Variants in LRBA observed in about 807,000 individuals in gnomAD.
LRBA encodes the protein LPS responsive beige-like anchor protein, also known as lipopolysaccharide-responsive and beige-like anchor protein.
LRBA carries 176 observed loss-of-function variants against 330.0 expected under a neutral mutation model. The ratio of observed to expected loss-of-function variants is 0.53; its 90% CI spans 0.47 to 0.60. The LOEUF (loss-of-function observed/expected upper bound fraction) is 0.60, where lower values mean the gene tolerates loss of function less well. LRBA is among the 20% of genes least tolerant of loss of function. LRBA has a pLI of 0.00. For missense variants in LRBA, 3,259 were observed against 3,444.8 expected, an observed-to-expected ratio of 0.95 and a Z score of 1.35; for synonymous variants, 1,230 against 1,193.0, an observed-to-expected ratio of 1.03 and a Z score of -0.64.
chr4:150,963,307 T>G (rs1738385153), intron 2 of LRBA, among the ~76,000 whole-genome samples: 2 of 149,326 alleles, frequency 1.3e-5, no homozygotes, highest in South Asian at 4.1e-4. Context: ...TGCCTCAGCC[T>G]GCCGAGTGCC....
At chr4:150,471,299 T>C (rs960235571) in intron 43 of LRBA, among the ~76,000 whole-genome samples, 2 of 152,092 alleles carry the variant, frequency 1.3e-5, no homozygotes, top group Admixed American at 6.6e-5. Context: ...TATACAACCA[T>C]TGAAACCTTA....
intron 36 of LRBA, among the ~76,000 whole-genome samples, chr4:150,696,916 T>G (rs1049826915): frequency 6.9e-6 from 1 of 145,854 alleles, no homozygotes; most frequent in African/African-American, 2.6e-5. Flanking sequence ...TGGGAAGCTG[T>G]GGTGGGAGGA....
At chr4:150,547,735 T>G (rs1554052457) in intron 40 of LRBA, among the ~76,000 whole-genome samples, 1 of 152,140 alleles carries the variant, frequency 6.6e-6, no homozygotes, top group Non-Finnish European at 1.5e-5. Flanking sequence ...AGAAAGGTAT[T>G]GTGAAACAAA....
chr4:150,505,404 C>A (rs1760918008), intron 40 of LRBA, among the ~76,000 whole-genome samples: 2 of 152,136 alleles, frequency 1.3e-5, no homozygotes. Context: ...TGCAATCAAA[C>A]TAGAACTCAG....
At position 150,870,544 on chromosome 4, in the gene LRBA, T is replaced by C; in HGVS notation, c.2430A>G (p.Ser810=). The change falls in exon 20 of 57, where the codon TCA becomes TCG. Residue 810 remains serine (S), a synonymous_variant. Coordinates refer to ENST00000651943, the MANE Select transcript of LRBA (RefSeq NM_001364905.1). ...ACATACGAGGGTTTTGTATCTTCAC[T>C]GAAGAATCAGGATCTGGATGCTGTT... ...IHKQHPDPDS[S]VKIQNPQILK... is the part of the protein sequence containing the mutation. The C allele has an allele frequency of 6.3e-7, 1 of 1,588,576 alleles. No individual in the cohort carries two copies. Among genetic ancestry groups the C allele is most frequent in the Non-Finnish European group, 8.6e-7 (1 of 1,157,502 alleles).
intron 44 of LRBA, among the ~76,000 whole-genome samples, chr4:150,437,575 A>G (rs1388097749): frequency 6.6e-6 from 1 of 151,000 alleles, no homozygotes; most frequent in South Asian, 2.1e-4. Flanking sequence ...TCGCATTAAA[A>G]AAAGAATAGT....
intron 18 of LRBA, 58 bp from the exon 19 acceptor site, chr4:150,871,511 A>T: frequency 1.0e-6 from 1 of 967,170 alleles, no homozygotes; most frequent in Non-Finnish European, 1.7e-6. Flanking sequence ...TCTACTTAAT[A>T]TGCATGCTGG....
intron 40 of LRBA, among the ~76,000 whole-genome samples, chr4:150,508,883 G>C (rs1761491042): frequency 6.6e-6 from 1 of 152,174 alleles, no homozygotes; most frequent in Admixed American, 6.5e-5. Flanking sequence ...GACATTTATA[G>C]AACAGTCCAA....
chr4:150,825,957 C>T (rs1746202832), intron 30 of LRBA, among the ~76,000 whole-genome samples: 2 of 151,984 alleles, frequency 1.3e-5, no homozygotes, highest in Admixed American at 6.6e-5. Flanking sequence ...ACTGCAGTGA[C>T]ACCAGGAGGC....
At chr4:150,915,868 T>C (rs1732530283) in intron 7 of LRBA, 141 bp from the exon 8 acceptor site, 3 of 540,412 alleles carry the variant, frequency 5.6e-6, no homozygotes, top group Non-Finnish European at 8.9e-6. Flanking sequence ...ATTCAATATT[T>C]ACTTTCTGGA....
Position 150,735,164 on chromosome 4 carries a change from T to A in LRBA, c.5754+94A>T, listed in dbSNP as rs994369937. 1.0e-5 allele frequency: 9 copies of A among 894,464 alleles called. No individual in the cohort carries two copies. The Admixed American group carries it at 1.6e-4, about 16-fold the overall frequency. 55.4% of individuals were successfully genotyped at this position (894,464 alleles called of 1,614,324 possible). ...TTTAATTTTTTGATGACATATACTA[T>A]GTTTCTTTGGACCTGCCATTTTACC... On this transcript the variant is annotated intron_variant, in intron 36 of 56. Coordinates refer to ENST00000651943, the MANE Select transcript of LRBA (RefSeq NM_001364905.1).
At chr4:150,880,965 A>C (rs1011272195) in intron 17 of LRBA, among the ~76,000 whole-genome samples, 138 of 152,344 alleles carry the variant, frequency 9.1e-4, no homozygotes, top group African/African-American at 3.0e-3. Flanking sequence ...AATCATCAGC[A>C]AAATGCAAAT....
At chr4:150,754,541 A>AAAAG (rs1553954471) in intron 35 of LRBA, among the ~76,000 whole-genome samples, 2 of 119,142 alleles carry the variant, frequency 1.7e-5, no homozygotes, top group Non-Finnish European at 1.9e-5. Context: ...AAAAAAAAAA[A>AAAAG]AGAGAGAGAG....
At chr4:150,787,493 C>T (rs781552699) in intron 34 of LRBA, among the ~76,000 whole-genome samples, 1 of 152,018 alleles carries the variant, frequency 6.6e-6, no homozygotes, top group Non-Finnish European at 1.5e-5. Context: ...AACTTCCTAG[C>T]ATCTTCTATC....
chr4:150,285,079 G>A (rs1475879763), intron 54 of LRBA, among the ~76,000 whole-genome samples: 1 of 152,098 alleles, frequency 6.6e-6, no homozygotes, highest in East Asian at 1.9e-4. Flanking sequence ...TCAATGTTTT[G>A]ACCAAATTTA....
intron 17 of LRBA, among the ~76,000 whole-genome samples, chr4:150,884,799 C>T (rs890836896): frequency 6.6e-6 from 1 of 151,828 alleles, no homozygotes; most frequent in Non-Finnish European, 1.5e-5. Flanking sequence ...AAGAGTATAA[C>T]CCATAATCAG....
rs554841434 is a variant in LRBA, at chr4:150,954,551, C to CAGAT, written c.217-25490_217-25487dup. Among the ~76,000 whole-genome samples, 609 of 150,990 alleles carry CAGAT rather than the reference C, an allele frequency of 4.0e-3. 3 individuals carry two copies. The highest frequency in any genetic ancestry group is 0.014 in the African/African-American group (589 of 40,704). On this transcript the variant is annotated intron_variant, in intron 2 of 56. Coordinates refer to ENST00000651943, the MANE Select transcript of LRBA (RefSeq NM_001364905.1). ...GCGGTGCAAGATGTGCTTTGTTAAA[C>CAGAT]AGATGCTTGAAGGCAGCATACTCGT...
intron 34 of LRBA, among the ~76,000 whole-genome samples, chr4:150,771,481 A>C (rs1736554957): frequency 6.6e-6 from 1 of 152,190 alleles, no homozygotes; most frequent in South Asian, 2.1e-4. Context: ...AATACAATGA[A>C]GGTTGATAAA....
Position 150,583,595 on chromosome 4 carries a change from T to C in LRBA, c.6330+4453A>G, listed in dbSNP as rs1325782717. 1 of 1,613,976 alleles carries C rather than the reference T, an allele frequency of 6.2e-7. No homozygotes were observed. Among genetic ancestry groups the C allele is most frequent in the Non-Finnish European group, 8.5e-7 (1 of 1,179,992 alleles). On this transcript the variant is annotated intron_variant, in intron 40 of 56. Transcript: ENST00000651943. This position sits in a 1 kb window ranked among gnomAD's most constrained non-coding sequence, Gnocchi z 9.8. ...CCTCGCAGCGCGGCACAGTGGCCTA[T>C]GCCCCACATCCCTTGGCCCGGCCCC...
Sources: allele counts gnomAD v4.1 joint callset (sites outside exome capture counted in the v4.1 genomes callset), GRCh38; gene constraint gnomAD v4.1.1; non-coding constraint Gnocchi (gnomAD v3.1); transcripts MANE v1.5; gene names NCBI Gene and HGNC (gene_info 2026-07-23, HGNC 2026-07-21).